DIP2C: variants seen among roughly 807,000 people sequenced by gnomAD.
The protein encoded by DIP2C is DIP2 acetate--CoA ligase C (putative).
Under a neutral mutation model 192.4 loss-of-function variants are expected in DIP2C, and 33 were observed. That is an observed-to-expected ratio of 0.17 (90% CI 0.13 to 0.23). The LOEUF (loss-of-function observed/expected upper bound fraction) is 0.23, where lower values mean the gene tolerates loss of function less well. Among genes scored for constraint, DIP2C ranks in the 10% least tolerant of loss-of-function variants. DIP2C has a pLI of 1.00. For synonymous variants in DIP2C, 979 were observed against 864.1 expected (o/e 1.13, Z -2.33); for missense variants, 1,537 against 2,110.1 (o/e 0.73, Z 5.32).
At chr10:645,769 G>T (rs201765044) in intron 1 of DIP2C, among the ~76,000 whole-genome samples, 2 of 150,982 alleles carry the variant, frequency 1.3e-5, no homozygotes, top group East Asian at 3.9e-4. Context: ...ATCTCTGAAT[G>T]GGGGGGGCTA....
intron 24 of DIP2C, among the ~76,000 whole-genome samples, chr10:355,819 G>A (rs947060409): frequency 6.6e-6 from 1 of 152,070 alleles, no homozygotes; most frequent in African/African-American, 2.4e-5. Flanking sequence ...ACTCACGCCT[G>A]TAATCCCAGC....
intron 17 of DIP2C, chr10:370,188 A>G (rs943902084): frequency 2.2e-6 from 1 of 444,602 alleles, no homozygotes; most frequent in East Asian, 1.6e-4. Context: ...GTGGCTGCCA[A>G]GTTCTAAGGA....
intron 32 of DIP2C, among the ~76,000 whole-genome samples, chr10:298,019 G>C (rs1955841461): frequency 6.6e-6 from 1 of 152,188 alleles, no homozygotes; most frequent in Admixed American, 6.5e-5. Context: ...ATATGCCCCA[G>C]TCTCAGAATG....
At chr10:461,623 T>C (rs563755025) in intron 3 of DIP2C, among the ~76,000 whole-genome samples, 1 of 151,950 alleles carries the variant, frequency 6.6e-6, no homozygotes, top group Non-Finnish European at 1.5e-5. Flanking sequence ...ATTAGACAGA[T>C]TGAGACAGAA....
chr10:642,046 A>T (rs1855223416), intron 1 of DIP2C, among the ~76,000 whole-genome samples: 2 of 152,290 alleles, frequency 1.3e-5, no homozygotes, highest in Admixed American at 1.3e-4. Context: ...AAAGAAAGAA[A>T]TACAGGAGAC....
chr10:650,879 CT>C, intron 1 of DIP2C: 1 of 717,512 alleles, frequency 1.4e-6, no homozygotes, highest in Non-Finnish European at 2.6e-6. Flanking sequence ...CAAACTCCCC[CT>C]GGGATTCGTG....
At chr10:492,276 G>GT (rs955933215) in intron 1 of DIP2C, among the ~76,000 whole-genome samples, 10 of 152,182 alleles carry the variant, frequency 6.6e-5, no homozygotes, top group African/African-American at 2.4e-4. Context: ...TCTCCCTGCT[G>GT]TTTGGGCTGT....
intron 32 of DIP2C, among the ~76,000 whole-genome samples, chr10:305,637 T>C (rs1051691326): frequency 1.3e-5 from 2 of 152,166 alleles, no homozygotes; most frequent in Admixed American, 1.3e-4. Context: ...ATGTAAAAAA[T>C]TGCTAAAACT....
intron 1 of DIP2C, among the ~76,000 whole-genome samples, chr10:513,192 A>C (rs1846135663): frequency 1.4e-5 from 2 of 142,944 alleles, no homozygotes; most frequent in Admixed American, 1.4e-4. Flanking sequence ...TGTATGCCTA[A>C]ATTATTACAT....
At position 283,455 on chromosome 10, in the gene DIP2C, G is replaced by A. The variant is rs371940286; in HGVS notation, c.4120-9C>T. On this transcript the variant is annotated splice_polypyrimidine_tract_variant and intron_variant, in intron 34 of 36. Coordinates refer to ENST00000280886, the MANE Select transcript of DIP2C (RefSeq NM_014974.3). ...GCACTGTGAACCCAAATCTGCAAAC[G>A]GAGGGAAATGTCACTGTGGATGACA... 1.8e-4 allele frequency: 290 copies of A among 1,613,426 alleles called. No individual in the cohort carries two copies. The highest frequency in any genetic ancestry group is 1.2e-3 in the African/African-American group (92 of 75,028).
At chr10:386,082 G>A (rs1040278982) in intron 14 of DIP2C, among the ~76,000 whole-genome samples, 7 of 152,148 alleles carry the variant, frequency 4.6e-5, no homozygotes, top group African/African-American at 1.2e-4. Context: ...AGGCGGCCCC[G>A]CGACGAGGCC....
intron 3 of DIP2C, among the ~76,000 whole-genome samples, chr10:446,600 A>G (rs1968242378): frequency 6.6e-6 from 1 of 152,212 alleles, no homozygotes; most frequent in African/African-American, 2.4e-5. Context: ...CGAGGGCCCC[A>G]GTGAGTGCCA....
At chr10:596,506 A>G in intron 1 of DIP2C, among the ~76,000 whole-genome samples, 1 of 142,808 alleles carries the variant, frequency 7.0e-6, no homozygotes, top group African/African-American at 2.6e-5. Context: ...CAAAAAAAAA[A>G]AAAAAAAAAA....
intron 4 of DIP2C, among the ~76,000 whole-genome samples, chr10:434,968 T>C (rs536755215): frequency 2.6e-4 from 39 of 151,976 alleles, no homozygotes; most frequent in Non-Finnish European, 2.9e-5. Context: ...TTTTTGTCGT[T>C]GTTGTTTTTA....
At chr10:495,103 G>C (rs1005875427) in intron 1 of DIP2C, among the ~76,000 whole-genome samples, 1 of 152,132 alleles carries the variant, frequency 6.6e-6, no homozygotes, top group Non-Finnish European at 1.5e-5. Context: ...AAGATATTAC[G>C]CTAAGTGAAA....
intron 26 of DIP2C, among the ~76,000 whole-genome samples, chr10:347,288 C>T (rs1322298257): frequency 3.6e-5 from 4 of 112,508 alleles, no homozygotes; most frequent in Non-Finnish European, 3.5e-5. Context: ...ATAGTTCTCC[C>T]GGGAACCCCA....
At chr10:554,006 A>G (rs1243647412) in intron 1 of DIP2C, among the ~76,000 whole-genome samples, 4 of 152,150 alleles carry the variant, frequency 2.6e-5, no homozygotes, top group African/African-American at 7.2e-5. Flanking sequence ...GGCAAGAAAT[A>G]TACCTCATAG....
intron 31 of DIP2C, among the ~76,000 whole-genome samples, chr10:318,396 T>C (rs962127486): frequency 1.3e-5 from 2 of 152,126 alleles, no homozygotes; most frequent in Non-Finnish European, 2.9e-5. Context: ...GCAGTGAAGG[T>C]GTCCAGACAC....
intron 1 of DIP2C, among the ~76,000 whole-genome samples, chr10:655,679 G>A (rs976316278): frequency 2.0e-5 from 3 of 152,096 alleles, no homozygotes; most frequent in South Asian, 4.1e-4. Flanking sequence ...GCAATACTAC[G>A]TTGTTAGTTC....
Sources: allele counts gnomAD v4.1 joint callset (sites outside exome capture counted in the v4.1 genomes callset), GRCh38; gene constraint gnomAD v4.1.1; transcripts MANE v1.5; gene names NCBI Gene and HGNC (gene_info 2026-07-23, HGNC 2026-07-21).